TRIO: variants seen among roughly 807,000 people sequenced by gnomAD.
The protein encoded by TRIO is triple functional domain protein.
TRIO carries 58 observed loss-of-function variants against 351.9 expected under a neutral mutation model. The ratio of observed to expected loss-of-function variants is 0.16; its 90% CI spans 0.13 to 0.21. The LOEUF (loss-of-function observed/expected upper bound fraction) is 0.21, where lower values mean the gene tolerates loss of function less well. Among genes scored for constraint, TRIO ranks in the 10% least tolerant of loss-of-function variants. TRIO has a pLI of 1.00. For missense variants in TRIO, 3,201 were observed against 4,027.8 expected (o/e 0.79, Z 5.56); for synonymous variants, 1,758 against 1,595.7 (o/e 1.10, Z -2.42).
chr5:14,238,820 G>C lies in TRIO; in HGVS notation c.158-32005G>C, dbSNP rs80041419. ...CTTAAAGAGTGTTGTGCAGAGCTAA[G>C]ATGAACCTGATTTACATCCCACATC... On this transcript the variant is annotated intron_variant, in intron 1 of 56. Coordinates refer to ENST00000344204, the MANE Select transcript of TRIO (RefSeq NM_007118.4). Among the ~76,000 whole-genome samples the C allele has an allele frequency of 1.7e-4, 26 of 152,340 alleles. No individual in the cohort carries two copies. The East Asian group carries it at 5.0e-3, about 29-fold the overall frequency.
Position 14,380,353 on chromosome 5 carries a change from GCTCCTCC to G in TRIO, c.3448-773_3448-767del, listed in dbSNP as rs1426600942. Among the ~76,000 whole-genome samples, 256 of 150,240 alleles carry G rather than the reference GCTCCTCC, an allele frequency of 1.7e-3. 1 individual carries two copies. Among genetic ancestry groups the G allele is most frequent in the African/African-American group, 5.8e-3 (236 of 40,630 alleles). ...CCTCCTCCTTCGCTCCTCGCTCCTC[GCTCCTCC>G]CTCGCTCCTGCACCAGGTCCAGGAG... On this transcript the variant is annotated intron_variant, in intron 20 of 56. Transcript: ENST00000344204.
At chr5:14,325,820 C>T (rs1049506339) in intron 9 of TRIO, among the ~76,000 whole-genome samples, 3 of 152,192 alleles carry the variant, frequency 2.0e-5, no homozygotes, top group Non-Finnish European at 2.9e-5. Flanking sequence ...GATGCCAGAA[C>T]TCTGCAGCGG....
At chr5:14,239,988 C>T (rs1406220445) in intron 1 of TRIO, among the ~76,000 whole-genome samples, 2 of 152,184 alleles carry the variant, frequency 1.3e-5, no homozygotes, top group Admixed American at 6.5e-5. Flanking sequence ...TCAGGGTACC[C>T]TGGTTTTCTC....
intron 23 of TRIO, 23 bp from the exon 24 acceptor site, chr5:14,388,590 C>T (rs572471889): frequency 2.6e-5 from 42 of 1,607,516 alleles, no homozygotes; most frequent in South Asian, 2.2e-5. Flanking sequence ...GACTGTACTC[C>T]TCACTGTCTT....
chr5:14,250,133 G>A lies in TRIO; in HGVS notation c.158-20692G>A, dbSNP rs114408586. ...GACAGAAACTGCAGCCCTCTGTAGCGCAGCCCTGTGAGGTGCTTTAGCCAG... is the reference window on the plus strand; with the variant it reads ...GACAGAAACTGCAGCCCTCTGTAGCACAGCCCTGTGAGGTGCTTTAGCCAG... On this transcript the variant is annotated intron_variant, in intron 1 of 56. Coordinates refer to ENST00000344204, the MANE Select transcript of TRIO (RefSeq NM_007118.4). Among the ~76,000 whole-genome samples, 492 of 152,258 alleles carry A rather than the reference G, an allele frequency of 3.2e-3. 2 individuals are homozygous for A. Among genetic ancestry groups the A allele is most frequent in the African/African-American group, 0.011 (464 of 41,554 alleles).
In TRIO at chr5:14,503,553, C is replaced by T. The variant is rs151222099; in HGVS notation, c.8412-840C>T. On this transcript the variant is annotated intron_variant, in intron 54 of 56. Coordinates refer to ENST00000344204, the MANE Select transcript of TRIO (RefSeq NM_007118.4). Reference sequence around the variant, plus strand: ...CTGGGACACTGGCCTCTTTCCACATCGACTTTCACCCTGGGCTCCCCCACG... The same window carrying T: ...CTGGGACACTGGCCTCTTTCCACATTGACTTTCACCCTGGGCTCCCCCACG... Among the ~76,000 whole-genome samples the T allele has an allele frequency of 1.1e-4, 17 of 152,338 alleles. No individual in the cohort carries two copies. The East Asian group carries it at 2.9e-3, about 26-fold the overall frequency.
At position 14,160,465 on chromosome 5, in the gene TRIO, C is replaced by T. The variant is rs111870126; in HGVS notation, c.157+16583C>T. Among the ~76,000 whole-genome samples the T allele has an allele frequency of 2.1e-3, 314 of 152,278 alleles. 1 individual carries two copies. Among genetic ancestry groups the T allele is most frequent in the African/African-American group, 7.2e-3 (300 of 41,550 alleles). On this transcript the variant is annotated intron_variant, in intron 1 of 56. Coordinates refer to ENST00000344204, the MANE Select transcript of TRIO (RefSeq NM_007118.4). ...AATGAGCTGTTTATCCCTTGAGTAA[C>T]GTCAACATGCCAGGTGCCATACAGC... is the stretch of plus-strand genomic sequence containing the variant.
chr5:14,386,222 G>T (rs1460250134), intron 21 of TRIO, among the ~76,000 whole-genome samples: 1 of 152,194 alleles, frequency 6.6e-6, no homozygotes, highest in East Asian at 1.9e-4. Context: ...ATATCTGGGG[G>T]AGTGGCTTTC....
chr5:14,207,361 C>CACACAG lies in TRIO; in HGVS notation c.158-63463_158-63462insCACAGA, dbSNP rs1561202207. 9.9e-4 allele frequency among the ~76,000 whole-genome samples: 10 copies of CACACAG among 10,100 alleles called. 3 individuals carry two copies. Among genetic ancestry groups the CACACAG allele is most frequent in the African/African-American group, 2.9e-3 (10 of 3,430 alleles). 6.6% of individuals were successfully genotyped at this position (10,100 alleles called of 152,430 possible). A position where few individuals can be genotyped will look rare whatever the true frequency, so the allele number is the denominator to read the frequency against. Reference sequence around the variant, plus strand: ...ACACACACACACACACACACACACACAGAGCCAGGTAGCATAGCAAGACTG... The same window carrying CACACAG: ...ACACACACACACACACACACACACACACACAGAGAGCCAGGTAGCATAGCAAGACTG... On this transcript the variant is annotated intron_variant, in intron 1 of 56. Transcript: ENST00000344204.
chr5:14,247,346 A>C (rs1794498424), intron 1 of TRIO, among the ~76,000 whole-genome samples: 1 of 152,240 alleles, frequency 6.6e-6, no homozygotes, highest in Non-Finnish European at 1.5e-5. Flanking sequence ...ACTATGAAAC[A>C]TGTTAATATG....
Position 14,225,795 on chromosome 5 carries a change from C to G in TRIO, c.158-45030C>G, listed in dbSNP as rs370864728. On this transcript the variant is annotated intron_variant, in intron 1 of 56. Coordinates refer to ENST00000344204, the MANE Select transcript of TRIO (RefSeq NM_007118.4). ...TCCCATCATATTCACTGCTCCCACCCCCCCCCCCACCTCCAAGCCCAAAAG... is the reference window on the plus strand; with the variant it reads ...TCCCATCATATTCACTGCTCCCACCGCCCCCCCCACCTCCAAGCCCAAAAG... Among the ~76,000 whole-genome samples, 936 of 128,674 alleles carry G rather than the reference C, an allele frequency of 7.3e-3. 110 individuals carry two copies. The highest frequency in any genetic ancestry group is 0.028 in the African/African-American group (841 of 29,728). 84.4% of individuals were successfully genotyped at this position (128,674 alleles called of 152,430 possible). A position where few individuals can be genotyped will look rare whatever the true frequency, so the allele number is the denominator to read the frequency against.
At chr5:14,504,630 C>G (rs887130608) in intron 55 of TRIO, 37 bp downstream of exon 55, 19 of 1,604,146 alleles carry the variant, frequency 1.2e-5, no homozygotes, top group Non-Finnish European at 1.6e-5. Flanking sequence ...GCCCAGCCCT[C>G]TGCCTCCACC....
intron 34 of TRIO, among the ~76,000 whole-genome samples, chr5:14,457,373 T>TCCCCCCCCACCC (rs1753407048): frequency 2.0e-5 from 1 of 48,926 alleles, no homozygotes; most frequent in African/African-American, 7.0e-5. Flanking sequence ...AGCCCTGACC[T>TCCCCCCCCACCC]CCCCCCCCCC....
chr5:14,459,167 G>A (rs2126484405), intron 34 of TRIO, among the ~76,000 whole-genome samples: 1 of 152,332 alleles, frequency 6.6e-6, no homozygotes, highest in South Asian at 2.1e-4. Context: ...GGCGAAGGAA[G>A]GAACGGGACA....
intron 1 of TRIO, among the ~76,000 whole-genome samples, chr5:14,250,751 G>A (rs1231332447): frequency 6.6e-6 from 1 of 152,138 alleles, no homozygotes; most frequent in Admixed American, 6.5e-5. Flanking sequence ...TTTTTTGGTT[G>A]TGCCTTTCTC....
chr5:14,152,745 G>A (rs976820525), intron 1 of TRIO, among the ~76,000 whole-genome samples: 2 of 152,194 alleles, frequency 1.3e-5, no homozygotes, highest in Non-Finnish European at 2.9e-5. Context: ...GGGTCCAGGA[G>A]CCTGGAGAAC....
chr5:14,281,925 G>A (rs1202690198), intron 3 of TRIO, among the ~76,000 whole-genome samples: 1 of 152,212 alleles, frequency 6.6e-6, no homozygotes, highest in East Asian at 1.9e-4. Context: ...ACCACAGCAC[G>A]TGGTTCACAG....
At chr5:14,322,428 T>C (rs1348615956) in intron 9 of TRIO, among the ~76,000 whole-genome samples, 1 of 152,182 alleles carries the variant, frequency 6.6e-6, no homozygotes, top group Non-Finnish European at 1.5e-5. Flanking sequence ...ATTTTGGTCA[T>C]TTGAATGCAA....
At chr5:14,235,430 C>T (rs1224865524) in intron 1 of TRIO, among the ~76,000 whole-genome samples, 1 of 152,166 alleles carries the variant, frequency 6.6e-6, no homozygotes, top group Non-Finnish European at 1.5e-5. Flanking sequence ...AGTAAGTCTT[C>T]TAGTTTCATG....
Sources: allele counts gnomAD v4.1 joint callset (sites outside exome capture counted in the v4.1 genomes callset), GRCh38; gene constraint gnomAD v4.1.1; transcripts MANE v1.5; gene names NCBI Gene and HGNC (gene_info 2026-07-23, HGNC 2026-07-21).